The following TRPM8 variants were observed in gnomAD, a reference collection of about 807,000 sequenced individuals.
TRPM8 encodes the protein transient receptor potential cation channel subfamily M member 8.
A neutral mutation model predicts 133.7 loss-of-function variants in TRPM8; 110 were observed. The ratio of observed to expected loss-of-function variants is 0.82; its 90% CI spans 0.70 to 0.96. The LOEUF (loss-of-function observed/expected upper bound fraction) is 0.96, where lower values mean the gene tolerates loss of function less well. Among genes scored for constraint, TRPM8 ranks in the 40% least tolerant of loss-of-function variants. The pLI is 0.00. For synonymous variants in TRPM8, 535 were observed against 532.3 expected (o/e 1.01, Z -0.07); for missense variants, 1,291 against 1,379.5 (o/e 0.94, Z 1.02).
At chr2:233,995,742 G>T (rs760698503) in intron 21 of TRPM8, among the ~76,000 whole-genome samples, 3 of 152,036 alleles carry the variant, frequency 2.0e-5, no homozygotes, top group Non-Finnish European at 4.4e-5. Context: ...TGAGTAGGGG[G>T]TGGGGGCAGC....
Position 233,983,157 on chromosome 2 carries a change from G to C in TRPM8, c.2694G>C (p.Trp898Cys). The C allele has an allele frequency of 6.2e-7, 1 of 1,614,188 alleles. No individual in the cohort carries two copies. Among genetic ancestry groups the C allele is most frequent in the Non-Finnish European group, 8.5e-7 (1 of 1,180,038 alleles). Residue 898 changes from tryptophan (W) to cysteine (C), a missense_variant, in exon 20 of 26, where the codon TGG (tryptophan) becomes TGC (cysteine). This residue lies in a region of TRPM8 where 328 missense variants were observed against 410.6 expected (regional missense o/e 0.80). Coordinates refer to ENST00000324695, the MANE Select transcript of TRPM8 (RefSeq NM_024080.5). ...ILRQNEQRWRWIFRSVIYEPY... is the reference protein window; with the variant it reads ...ILRQNEQRWRCIFRSVIYEPY... The stretch of plus-strand genomic sequence containing the variant: ...GGCAGAATGAGCAGCGCTGGAGGTG[G>C]ATATTCCGTTCGGTCATCTACGAGC...
chr2:233,930,738 C>A lies in TRPM8; in HGVS notation c.188C>A (p.Ala63Asp), dbSNP rs201742495. The change falls in exon 3 of 26, where the codon GCC becomes GAC. Residue 63 changes from alanine to aspartate, a missense_variant. By Grantham distance (126) the Ala-to-Asp change is moderately radical (BLOSUM62 -2). Transcript: ENST00000324695. ...ECVFFTKDSK[A>D]TENVCKCGYA... ...GTCTTCTTTACCAAAGATTCCAAGG[C>A]CACGTAAGCTACTATTTTCCCTCCA... 1 of 1,603,340 alleles carries A rather than the reference C, an allele frequency of 6.2e-7. No homozygotes were observed.
intron 22 of TRPM8, among the ~76,000 whole-genome samples, chr2:234,001,656 C>G (rs1234592014): frequency 6.6e-6 from 1 of 152,218 alleles, no homozygotes. Context: ...GGAGCACCCC[C>G]CCTTAGCACC....
chr2:233,999,410 G>C (rs1559548076), intron 22 of TRPM8, among the ~76,000 whole-genome samples: 1 of 152,084 alleles, frequency 6.6e-6, no homozygotes, highest in African/African-American at 2.4e-5. Flanking sequence ...GCGTTCTATT[G>C]GTCCAAGCAA....
intron 22 of TRPM8, among the ~76,000 whole-genome samples, chr2:234,004,404 T>C (rs1692641674): frequency 6.6e-6 from 1 of 152,214 alleles, no homozygotes; most frequent in South Asian, 2.1e-4. Flanking sequence ...TGGAGATGAC[T>C]AATGCCTGAA....
chr2:233,951,520 G>A (rs1691172605), intron 9 of TRPM8, among the ~76,000 whole-genome samples: 1 of 152,142 alleles, frequency 6.6e-6, no homozygotes, highest in South Asian at 2.1e-4. Context: ...CATGTCCAAC[G>A]AATAGAGGCC....
At chr2:233,973,759 C>T (rs945280098) in intron 17 of TRPM8, among the ~76,000 whole-genome samples, 3 of 152,128 alleles carry the variant, frequency 2.0e-5, no homozygotes, top group African/African-American at 7.2e-5. Context: ...TCAGCAGCAG[C>T]GAGGGAATGG....
At chr2:233,978,433 T>C (rs1477822966) in intron 17 of TRPM8, among the ~76,000 whole-genome samples, 1 of 152,172 alleles carries the variant, frequency 6.6e-6, no homozygotes, top group African/African-American at 2.4e-5. Flanking sequence ...TTTTAACATC[T>C]CTGAAACTGC....
intron 3 of TRPM8, 67 bp downstream of exon 3, chr2:233,930,808 C>A: frequency 1.0e-6 from 1 of 985,234 alleles, no homozygotes; most frequent in Non-Finnish European, 1.6e-6. Context: ...ACCCTTACAA[C>A]AAACAAATGC....
At chr2:234,002,159 G>A (rs552796382) in intron 22 of TRPM8, among the ~76,000 whole-genome samples, 1 of 152,024 alleles carries the variant, frequency 6.6e-6, no homozygotes, top group African/African-American at 2.4e-5. Context: ...CTGAGACCCA[G>A]AAGATGAATT....
chr2:233,949,282 T>C (rs1337982950), intron 8 of TRPM8, among the ~76,000 whole-genome samples: 1 of 151,934 alleles, frequency 6.6e-6, no homozygotes, highest in Non-Finnish European at 1.5e-5. Context: ...TGCTTTTCAA[T>C]TTTTTTTGTA....
intron 14 of TRPM8, 65 bp from the exon 15 acceptor site, chr2:233,966,545 A>G: frequency 6.2e-7 from 1 of 1,602,150 alleles, no homozygotes; most frequent in Non-Finnish European, 8.5e-7. Flanking sequence ...TGGGGGTGGA[A>G]GCAGGACAGT....
intron 2 of TRPM8, among the ~76,000 whole-genome samples, chr2:233,930,268 G>A (rs977480719): frequency 3.3e-5 from 5 of 152,108 alleles, no homozygotes; most frequent in East Asian, 1.9e-4. Flanking sequence ...ATTTATGAAC[G>A]GTTTTTGGAA....
At chr2:233,973,032 A>G (rs1268459507) in intron 17 of TRPM8, among the ~76,000 whole-genome samples, 1 of 152,252 alleles carries the variant, frequency 6.6e-6, no homozygotes, top group African/African-American at 2.4e-5. Context: ...GTCACCTCTC[A>G]GAAGCGTAAG....
In TRPM8 at chr2:233,970,199, T is replaced by C. The variant is rs1386093600; in HGVS notation, c.2139-11T>C. The C allele has an allele frequency of 6.2e-7, 1 of 1,613,648 alleles. No individual in the cohort carries two copies. The highest frequency in any genetic ancestry group is 8.5e-7 in the Non-Finnish European group (1 of 1,179,674). On this transcript the variant is annotated splice_polypyrimidine_tract_variant and intron_variant, in intron 16 of 25. Transcript: ENST00000324695. ...CAAGGATGCTGACGATGCCCTTATC[T>C]CTGGGTCCAGGAAGAAACCTGTCGA... is the stretch of plus-strand genomic sequence containing the variant.
chr2:233,981,630 C>T (rs1397252312), intron 18 of TRPM8, 144 bp from the exon 19 acceptor site: 6 of 712,578 alleles, frequency 8.4e-6, no homozygotes, highest in Non-Finnish European at 1.3e-5. Context: ...ATCATGGCCT[C>T]TGCTGGGTGG....
intron 17 of TRPM8, among the ~76,000 whole-genome samples, chr2:233,974,942 C>T (rs1691831067): frequency 6.6e-6 from 1 of 151,932 alleles, no homozygotes; most frequent in African/African-American, 2.4e-5. Context: ...GAGAAAAAAC[C>T]ATCTGGAATT....
rs1174726028 is a variant in TRPM8 at position 233,971,617 on chromosome 2, T to C, written c.2355+1191T>C. On this transcript the variant is annotated intron_variant, in intron 17 of 25. Coordinates refer to ENST00000324695, the MANE Select transcript of TRPM8 (RefSeq NM_024080.5). ...TGAAGCCGCGGACCCTTGCGGTGAG[T>C]GTTACAGCTCTTAAGGTGGTGCGTC... is the stretch of plus-strand genomic sequence containing the variant. Among the ~76,000 whole-genome samples the C allele has an allele frequency of 2.0e-5, 3 of 152,004 alleles. No homozygotes were observed. The East Asian group carries it at 5.8e-4, about 29-fold the overall frequency.
intron 9 of TRPM8, among the ~76,000 whole-genome samples, chr2:233,950,671 A>G (rs1019468528): frequency 3.3e-5 from 5 of 152,224 alleles, no homozygotes; most frequent in Non-Finnish European, 7.3e-5. Flanking sequence ...AGTGCTTTGC[A>G]AGGTGCAAAG....
Sources: allele counts gnomAD v4.1 joint callset (sites outside exome capture counted in the v4.1 genomes callset), GRCh38; gene constraint gnomAD v4.1.1; regional missense constraint gnomAD v4.1.1; transcripts MANE v1.5; gene names NCBI Gene and HGNC (gene_info 2026-07-23, HGNC 2026-07-21).